The following PCDHGB5 variants were observed in gnomAD, a reference collection of about 807,000 sequenced individuals.
PCDHGB5 encodes protocadherin gamma-B5.
In PCDHGB5, 48 loss-of-function variants were observed where a neutral mutation model predicts 62.9. The observed-to-expected ratio is 0.76, with a 90% CI of 0.61 to 0.97. PCDHGB5 has a LOEUF of 0.97. Among genes scored for constraint, PCDHGB5 ranks in the 50% least tolerant of loss-of-function variants. The pLI, the probability that PCDHGB5 is intolerant of heterozygous loss-of-function variation, is 0.00. For synonymous variants in PCDHGB5, 474 were observed against 511.2 expected (o/e 0.93, Z 0.98); for missense variants, 1,118 against 1,198.6 (o/e 0.93, Z 0.99).
chr5:141,401,641 A>C (rs557366973), intron 1 of PCDHGB5, among the ~76,000 whole-genome samples: 1 of 152,374 alleles, frequency 6.6e-6, no homozygotes, highest in African/African-American at 2.4e-5. Context: ...GGAGCTTTAA[A>C]TATAAATGAC....
chr5:141,441,843 G>T, intron 1 of PCDHGB5: 1 of 356,176 alleles, frequency 2.8e-6, no homozygotes. Context: ...TCGCGCTCTT[G>T]GATATGGTGC....
At chr5:141,455,041 T>C (rs971722465) in intron 1 of PCDHGB5, among the ~76,000 whole-genome samples, 2 of 151,234 alleles carry the variant, frequency 1.3e-5, no homozygotes, top group Non-Finnish European at 2.9e-5. Flanking sequence ...CTCGATCTCC[T>C]GACCTCGTGA....
At chr5:141,448,449 T>C (rs528049717) in intron 1 of PCDHGB5, among the ~76,000 whole-genome samples, 1 of 152,284 alleles carries the variant, frequency 6.6e-6, no homozygotes, top group South Asian at 2.1e-4. Context: ...CTGACTTCCA[T>C]CCCTATCCTA....
chr5:141,494,182 C>T (rs188628485), intron 1 of PCDHGB5, among the ~76,000 whole-genome samples: 132 of 152,244 alleles, frequency 8.7e-4, no homozygotes, highest in African/African-American at 3.1e-3. Flanking sequence ...AGAAGTGTCC[C>T]GGGACTTGGA....
intron 1 of PCDHGB5, chr5:141,414,532 C>T (rs747661760): frequency 1.9e-6 from 3 of 1,613,930 alleles, no homozygotes; most frequent in Admixed American, 3.3e-5. Flanking sequence ...CAATGACAAC[C>T]CACCTACCTT....
chr5:141,414,116 A>C (rs760214999), intron 1 of PCDHGB5: 2 of 1,592,434 alleles, frequency 1.3e-6, no homozygotes, highest in Non-Finnish European at 1.7e-6. Context: ...CTAGATTATG[A>C]AGAAACCGGT....
chr5:141,413,010 C>A, intron 1 of PCDHGB5: 1 of 640,210 alleles, frequency 1.6e-6, no homozygotes. Flanking sequence ...AGGGCTTCAA[C>A]TACACAAGCC....
chr5:141,405,760 G>T (rs1048838050), intron 1 of PCDHGB5, among the ~76,000 whole-genome samples: 2 of 152,148 alleles, frequency 1.3e-5, no homozygotes, highest in East Asian at 3.9e-4. Context: ...TTACAGGCGT[G>T]AGCCACTGCG....
chr5:141,427,751 C>G (rs778043340), intron 1 of PCDHGB5: 6 of 1,306,076 alleles, frequency 4.6e-6, no homozygotes, highest in Non-Finnish European at 6.6e-6. Context: ...CCTACTCCAT[C>G]GTTACCACTG....
chr5:141,474,955 T>C (rs2099356879), intron 1 of PCDHGB5, among the ~76,000 whole-genome samples: 1 of 152,254 alleles, frequency 6.6e-6, no homozygotes, highest in African/African-American at 2.4e-5. Context: ...TTTTATTCAC[T>C]ATCCTAATCA....
Position 141,502,485 on chromosome 5 carries a change from G to A in PCDHGB5, c.2457-2908G>A, listed in dbSNP as rs187600890. ...AATACTTCCCGCAGCATCACACTGG[G>A]ACTCATCTAACGTCGGCCTGTCCCA... On this transcript the variant is annotated intron_variant, in intron 2 of 3. Coordinates refer to ENST00000617380, the MANE Select transcript of PCDHGB5 (RefSeq NM_018925.3). 8.4e-3 allele frequency among the ~76,000 whole-genome samples: 1,276 copies of A among 152,270 alleles called. 22 individuals carry two copies. Among genetic ancestry groups the A allele is most frequent in the African/African-American group, 0.028 (1,151 of 41,542 alleles).
At chr5:141,410,369 A>G in intron 1 of PCDHGB5, 1 of 1,613,954 alleles carries the variant, frequency 6.2e-7, no homozygotes. Context: ...CAGCCCTGCT[A>G]CTTGGGACTG....
intron 1 of PCDHGB5, among the ~76,000 whole-genome samples, chr5:141,488,969 CCAAT>C (rs1303368467): frequency 4.6e-5 from 7 of 152,106 alleles, no homozygotes; most frequent in Non-Finnish European, 7.4e-5. Context: ...GACTTTTTGG[CCAAT>C]CAGACTCAGA....
chr5:141,428,224 G>T, intron 1 of PCDHGB5: 1 of 1,164,316 alleles, frequency 8.6e-7, no homozygotes, highest in Non-Finnish European at 1.3e-6. Context: ...AGTCTTCGCA[G>T]ACAGCCTGCA....
chr5:141,442,119 C>T (rs563017984), intron 1 of PCDHGB5: 1 of 166,262 alleles, frequency 6.0e-6, no homozygotes, highest in African/African-American at 2.4e-5. Context: ...CCCCTCGTCG[C>T]CGACAGCCTG....
intron 1 of PCDHGB5, chr5:141,422,699 C>T: frequency 6.2e-7 from 1 of 1,603,420 alleles, no homozygotes; most frequent in Middle Eastern, 1.7e-4. Flanking sequence ...GTCACTTACT[C>T]TCTGACGGAT....
Position 141,419,271 on chromosome 5 carries a change from T to C in PCDHGB5, c.2397+18747T>C, listed in dbSNP as rs2096352878. 4 of 1,613,902 alleles carry C rather than the reference T, an allele frequency of 2.5e-6. No homozygotes were observed. In the South Asian group the frequency reaches 3.3e-5, roughly 13 times the overall value. ...GAAAACAACCAGCCGGGTGCCTCCA[T>C]AGCGCAAGTCAGTGCCTCTGACCCA... On this transcript the variant is annotated intron_variant, in intron 1 of 3. Transcript: ENST00000617380.
At chr5:141,499,707 T>G (rs1303008532) in intron 2 of PCDHGB5, among the ~76,000 whole-genome samples, 2 of 150,494 alleles carry the variant, frequency 1.3e-5, no homozygotes, top group African/African-American at 2.5e-5. Flanking sequence ...TTTTTTTTTT[T>G]TTTTGGAGAC....
chr5:141,403,299 T>A (rs1247528606), intron 1 of PCDHGB5: 1 of 1,613,896 alleles, frequency 6.2e-7, no homozygotes, highest in Admixed American at 1.7e-5. Flanking sequence ...AGAGTGAAAC[T>A]GTACGGAATA....
Sources: allele counts gnomAD v4.1 joint callset (sites outside exome capture counted in the v4.1 genomes callset), GRCh38; gene constraint gnomAD v4.1.1; transcripts MANE v1.5; gene names NCBI Gene and HGNC (gene_info 2026-07-23, HGNC 2026-07-21).